TSG101: variants seen among roughly 807,000 people sequenced by gnomAD.
TSG101 encodes the protein tumor susceptibility 101.
A neutral mutation model predicts 48.5 loss-of-function variants in TSG101; 19 were observed. That is an observed-to-expected ratio of 0.39 (90% CI 0.27 to 0.58). The LOEUF is 0.58. Ranked by LOEUF, TSG101 falls within the 20% of genes least tolerant of loss-of-function variation. The pLI is 0.55. For synonymous variants in TSG101, 174 were observed against 169.4 expected (o/e 1.03, Z -0.21); for missense variants, 365 against 484.4 (o/e 0.75, Z 2.31).
chr11:18,503,886 G>C (rs1849927373), intron 6 of TSG101, among the ~76,000 whole-genome samples: 1 of 151,936 alleles, frequency 6.6e-6, no homozygotes, highest in Non-Finnish European at 1.5e-5. Context: ...CCTTTTACAA[G>C]CGCATTAAAA....
chr11:18,484,047 G>A lies in TSG101; in HGVS notation c.666C>T (p.Ser222=), dbSNP rs749384315. ...TVGPSRDGTI[S]EDTIRASLIS... ...TGAGAGAGGCTCGGATGGTGTCCTC[G>A]CTGATTGTGCCATCCCTACTGGGAC... is the stretch of plus-strand genomic sequence containing the variant. The change falls in exon 8 of 10, where the codon AGC becomes AGT. Residue 222 remains serine, a synonymous_variant. Transcript: ENST00000251968. The A allele has an allele frequency of 1.1e-5, 17 of 1,613,966 alleles. No individual in the cohort carries two copies. The highest frequency in any genetic ancestry group is 8.9e-5 in the East Asian group (4 of 44,892).
chr11:18,493,473 T>C (rs970816965), intron 7 of TSG101, among the ~76,000 whole-genome samples: 1 of 152,198 alleles, frequency 6.6e-6, no homozygotes, highest in Non-Finnish European at 1.5e-5. Flanking sequence ...AAAGAATCCA[T>C]AAGCCCAAAG....
chr11:18,482,281 T>C (rs1849552653), intron 8 of TSG101, among the ~76,000 whole-genome samples: 3 of 152,198 alleles, frequency 2.0e-5, no homozygotes, highest in Admixed American at 2.0e-4. Flanking sequence ...ATTCAATGCA[T>C]AGAGGCCCAA....
intron 8 of TSG101, among the ~76,000 whole-genome samples, chr11:18,482,502 A>T (rs1419995804): frequency 6.6e-6 from 1 of 152,222 alleles, no homozygotes; most frequent in Non-Finnish European, 1.5e-5. Flanking sequence ...CATCAAAAAC[A>T]CACATTTACT....
intron 1 of TSG101, 39 bp downstream of exon 1, chr11:18,526,736 G>C: frequency 6.3e-7 from 1 of 1,593,370 alleles, no homozygotes; most frequent in Non-Finnish European, 8.5e-7. Context: ...GAAGGGAGCG[G>C]TGGGCGCGCC....
intron 7 of TSG101, among the ~76,000 whole-genome samples, chr11:18,499,926 T>C (rs951260254): frequency 1.3e-5 from 2 of 152,190 alleles, no homozygotes; most frequent in Admixed American, 1.3e-4. Flanking sequence ...TACTCTGCTA[T>C]CAAACATTAG....
At chr11:18,525,347 C>A (rs1188390992) in intron 1 of TSG101, among the ~76,000 whole-genome samples, 1 of 151,822 alleles carries the variant, frequency 6.6e-6, no homozygotes, top group African/African-American at 2.4e-5. Flanking sequence ...GAGTTTAAGA[C>A]CAGCCTGGCC....
At chr11:18,514,465 T>C (rs2133928563) in intron 4 of TSG101, among the ~76,000 whole-genome samples, 1 of 152,304 alleles carries the variant, frequency 6.6e-6, no homozygotes. Context: ...GCCAACAAAA[T>C]ATTGAATATA....
intron 7 of TSG101, 127 bp downstream of exon 7, chr11:18,502,359 G>T: frequency 1.6e-6 from 1 of 612,856 alleles, no homozygotes; most frequent in Non-Finnish European, 2.7e-6. Flanking sequence ...TAAGATTATA[G>T]TACATTATTA....
At chr11:18,497,186 T>C (rs780588202) in intron 7 of TSG101, among the ~76,000 whole-genome samples, 1 of 152,178 alleles carries the variant, frequency 6.6e-6, no homozygotes, top group Non-Finnish European at 1.5e-5. Context: ...TGACCATTGA[T>C]ATACTGAGAA....
chr11:18,520,608 C>A (rs961956227), intron 1 of TSG101, among the ~76,000 whole-genome samples: 1 of 152,128 alleles, frequency 6.6e-6, no homozygotes, highest in Admixed American at 6.5e-5. Context: ...GAATTTATTT[C>A]TTAAAGAAAT....
chr11:18,523,001 C>G (rs1210987191), intron 1 of TSG101, among the ~76,000 whole-genome samples: 1 of 152,022 alleles, frequency 6.6e-6, no homozygotes, highest in African/African-American at 2.4e-5. Context: ...GTGATCCTCC[C>G]ATCTCAGCCT....
chr11:18,485,264 C>G (rs1337815571), intron 7 of TSG101, among the ~76,000 whole-genome samples: 1 of 152,152 alleles, frequency 6.6e-6, no homozygotes, highest in East Asian at 1.9e-4. Context: ...ATGGTGAAAC[C>G]TAATCTTTGC....
intron 4 of TSG101, among the ~76,000 whole-genome samples, chr11:18,513,606 A>G (rs533327856): frequency 6.6e-6 from 1 of 152,168 alleles, no homozygotes; most frequent in African/African-American, 2.4e-5. Context: ...AGAGCTACTC[A>G]CTTCTTTATG....
chr11:18,516,964 C>A (rs1850188105), intron 2 of TSG101, among the ~76,000 whole-genome samples: 1 of 152,172 alleles, frequency 6.6e-6, no homozygotes, highest in Non-Finnish European at 1.5e-5. Flanking sequence ...CAAAAAAACA[C>A]TATCAAACAA....
At position 18,514,797 on chromosome 11, in the gene TSG101, A is replaced by G. The variant is rs935113765; in HGVS notation, c.238T>C (p.Tyr80His). ...AAACAGATAGGGGGATTATATGGGTATGTGTCCAGTAGCCATAGGCATATT... is the reference window on the plus strand; with the variant it reads ...AAACAGATAGGGGGATTATATGGGTGTGTGTCCAGTAGCCATAGGCATATT... ...IPICLWLLDT[Y>H]PYNPPICFVK... Residue 80 changes from tyrosine (Y) to histidine (H), a missense_variant, in exon 4 of 10, where the codon TAC (tyrosine) becomes CAC (histidine). Transcript: ENST00000251968. The G allele has an allele frequency of 4.4e-6, 7 of 1,594,790 alleles. No homozygotes were observed. The highest frequency in any genetic ancestry group is 5.1e-6 in the Non-Finnish European group (6 of 1,173,938).
chr11:18,499,400 A>ATTTTT (rs1204737360), intron 7 of TSG101, among the ~76,000 whole-genome samples: 16 of 6,784 alleles, frequency 2.4e-3, no homozygotes, highest in South Asian at 8.9e-3. Flanking sequence ...ATATATATAT[A>ATTTTT]TATTTTTTTT....
intron 4 of TSG101, among the ~76,000 whole-genome samples, chr11:18,512,954 C>CAAG (rs1413937780): frequency 9.4e-4 from 143 of 152,126 alleles, no homozygotes; most frequent in African/African-American, 3.1e-3. Context: ...TCTCAAACTT[C>CAAG]TGGCCTCAAG....
rs966290108 is a variant in TSG101 at position 18,481,216 on chromosome 11, C to T, written c.1083+414G>A. The T allele has an allele frequency of 9.8e-6, 9 of 914,184 alleles. No individual in the cohort carries two copies. The Admixed American group carries it at 3.1e-4, about 31-fold the overall frequency. 56.6% of individuals were successfully genotyped at this position (914,184 alleles called of 1,614,324 possible). On this transcript the variant is annotated intron_variant, in intron 9 of 9. Transcript: ENST00000251968. ...GAGGGCTTGAAAGGGCAGCCTGATA[C>T]TTTGATGTGGGAAAACTGGTCTAAA...
Sources: allele counts gnomAD v4.1 joint callset (sites outside exome capture counted in the v4.1 genomes callset), GRCh38; gene constraint gnomAD v4.1.1; transcripts MANE v1.5; gene names NCBI Gene and HGNC (gene_info 2026-07-23, HGNC 2026-07-21).